The following TMCO4 variants were observed in gnomAD, a reference collection of about 807,000 sequenced individuals.
The protein encoded by TMCO4 is transmembrane and coiled-coil domain-containing protein 4.
TMCO4 carries 58 observed loss-of-function variants against 64.7 expected under a neutral mutation model. The observed-to-expected ratio is 0.90, with a 90% confidence interval of 0.73 to 1.12. The LOEUF (loss-of-function observed/expected upper bound fraction) is 1.12, where lower values mean the gene tolerates loss of function less well. Among genes scored for constraint, TMCO4 ranks in the 50% most tolerant of loss-of-function variants. The probability of loss-of-function intolerance (pLI) is 0.00; values close to 1 mark genes in which losing one functional copy is unlikely to be tolerated. For synonymous variants in TMCO4, 325 were observed against 346.1 expected, an observed-to-expected ratio of 0.94 and a Z score of 0.68; for missense variants, 780 against 825.9, an observed-to-expected ratio of 0.94 and a Z score of 0.68.
In TMCO4 at chr1:19,746,329, GAGAAA is replaced by G. The variant is rs527620234; in HGVS notation, c.757+122_757+126del. 3.4e-4 allele frequency: 480 copies of G among 1,400,422 alleles called. 5 individuals are homozygous for G. The South Asian group carries it at 4.3e-3, about 13-fold the overall frequency. The allele number at this position is 1,400,422 out of a possible 1,614,324, so 86.7% of individuals were successfully genotyped here. A position where few individuals can be genotyped will look rare whatever the true frequency, so the allele number is the denominator to read the frequency against. On this transcript the variant is annotated intron_variant, in intron 9 of 15. Coordinates refer to ENST00000294543, the MANE Select transcript of TMCO4 (RefSeq NM_181719.7). ...CTCTGGGAAGGCTGGGACCCAGAGT[GAGAAA>G]AGCCACGTCTCCTCTGTCTCCCAGG...
In TMCO4 at chr1:19,734,634, C is replaced by T. The variant is rs2095445291; in HGVS notation, c.1264+2738G>A. On this transcript the variant is annotated intron_variant, in intron 13 of 15. Transcript: ENST00000294543. The surrounding 1 kb of genome is among the most constrained non-coding windows in gnomAD (Gnocchi z 4.4). ...GCCTCTTACGTGGGCTGCAGAGACA[C>T]CAGATGCCACCGTTTCTAGACACCC... 6.6e-6 allele frequency among the ~76,000 whole-genome samples: 1 copy of T among 152,086 alleles called. No individual in the cohort carries two copies. Among genetic ancestry groups the T allele is most frequent in the South Asian group, 2.1e-4 (1 of 4,820 alleles).
intron 6 of TMCO4, among the ~76,000 whole-genome samples, chr1:19,756,004 CG>C (rs920633034): frequency 6.6e-6 from 1 of 151,942 alleles, no homozygotes; most frequent in Admixed American, 6.6e-5. Context: ...CCCAGCACTT[CG>C]GGGGGCTGAG....
At chr1:19,706,328 A>G (rs571045306) in intron 13 of TMCO4, among the ~76,000 whole-genome samples, 1 of 152,314 alleles carries the variant, frequency 6.6e-6, no homozygotes, top group South Asian at 2.1e-4. Context: ...CTGAGATTTA[A>G]ACATTTCAAT....
At chr1:19,696,805 G>A (rs796624844) in intron 14 of TMCO4, among the ~76,000 whole-genome samples, 10 of 152,276 alleles carry the variant, frequency 6.6e-5, no homozygotes, top group African/African-American at 2.4e-4. Context: ...TGAATTACAT[G>A]TATTTATACA....
chr1:19,712,944 C>A (rs901382996), intron 13 of TMCO4, among the ~76,000 whole-genome samples: 3 of 152,200 alleles, frequency 2.0e-5, no homozygotes, highest in African/African-American at 7.2e-5. Flanking sequence ...AGCCAGCTGG[C>A]AGCTAGGCTG....
intron 13 of TMCO4, among the ~76,000 whole-genome samples, chr1:19,718,665 A>AAAAAAAAAAAAAAG (rs1450808804): frequency 2.3e-4 from 33 of 146,282 alleles, no homozygotes; most frequent in African/African-American, 7.5e-4. Flanking sequence ...AAAAAAAAAA[A>AAAAAAAAAAAAAAG]AGAGAGAGAG....
chr1:19,712,890 C>G (rs977974470), intron 13 of TMCO4, among the ~76,000 whole-genome samples: 1 of 152,178 alleles, frequency 6.6e-6, no homozygotes, highest in African/African-American at 2.4e-5. Context: ...CTGCTAAAAT[C>G]ATCCAGGCAT....
chr1:19,765,294 C>G (rs2042683451), intron 6 of TMCO4, among the ~76,000 whole-genome samples: 1 of 152,220 alleles, frequency 6.6e-6, no homozygotes, highest in Non-Finnish European at 1.5e-5. Context: ...AGCAGCAGAT[C>G]TGATGATCAT....
At chr1:19,752,867 T>C (rs1191355362) in intron 7 of TMCO4, among the ~76,000 whole-genome samples, 1 of 151,612 alleles carries the variant, frequency 6.6e-6, no homozygotes, top group East Asian at 1.9e-4. Context: ...TGAGATGGCA[T>C]CTTGTGCCTG....
intron 2 of TMCO4, among the ~76,000 whole-genome samples, chr1:19,796,335 G>T (rs1571083329): frequency 6.6e-6 from 1 of 152,128 alleles, no homozygotes; most frequent in African/African-American, 2.4e-5. Flanking sequence ...GATTTGTCCA[G>T]CGAATGTGGG....
At chr1:19,708,304 T>C (rs2095312673) in intron 13 of TMCO4, among the ~76,000 whole-genome samples, 1 of 151,968 alleles carries the variant, frequency 6.6e-6, no homozygotes, top group Non-Finnish European at 1.5e-5. Flanking sequence ...TGTCATGTTT[T>C]CAGCAGCTCA....
At chr1:19,723,737 T>C (rs1366610175) in intron 13 of TMCO4, among the ~76,000 whole-genome samples, 2 of 152,174 alleles carry the variant, frequency 1.3e-5, no homozygotes, top group Non-Finnish European at 2.9e-5. Context: ...TTCTGGAGGC[T>C]CTTCCAGCTC....
chr1:19,749,658 G>A (rs949946126), intron 7 of TMCO4, among the ~76,000 whole-genome samples: 10 of 152,114 alleles, frequency 6.6e-5, no homozygotes, highest in East Asian at 1.9e-4. Context: ...GTGAGCCACC[G>A]TGCCGGGACA....
intron 13 of TMCO4, among the ~76,000 whole-genome samples, chr1:19,722,284 G>T (rs1212100335): frequency 2.0e-5 from 3 of 152,182 alleles, no homozygotes; most frequent in Admixed American, 2.0e-4. Flanking sequence ...TCGATAAGAT[G>T]TTCTAGCAGT....
intron 9 of TMCO4, among the ~76,000 whole-genome samples, 157 bp from the exon 10 acceptor site, chr1:19,745,808 C>G (rs553871957): frequency 6.6e-6 from 1 of 152,158 alleles, no homozygotes; most frequent in Non-Finnish European, 1.5e-5. Context: ...AAGGTAGGTG[C>G]CACTATTGTC....
chr1:19,792,292 C>T (rs1200704245), intron 2 of TMCO4, among the ~76,000 whole-genome samples: 1 of 152,186 alleles, frequency 6.6e-6, no homozygotes, highest in African/African-American at 2.4e-5. Flanking sequence ...CCCATGCCTA[C>T]AGCTCGGCTG....
intron 2 of TMCO4, among the ~76,000 whole-genome samples, chr1:19,795,333 G>T (rs1264858049): frequency 6.6e-6 from 1 of 152,066 alleles, no homozygotes; most frequent in Non-Finnish European, 1.5e-5. Context: ...TTAGCTGGGC[G>T]TGGTGGCGAG....
chr1:19,716,328 G>A (rs547562486), intron 13 of TMCO4, among the ~76,000 whole-genome samples: 110 of 149,894 alleles, frequency 7.3e-4, no homozygotes, highest in Middle Eastern at 7.0e-3. Context: ...GGGATTACAG[G>A]GATTACAGGT....
chr1:19,733,235 C>G (rs772202678), intron 13 of TMCO4, among the ~76,000 whole-genome samples: 1 of 152,050 alleles, frequency 6.6e-6, no homozygotes, highest in Non-Finnish European at 1.5e-5. Flanking sequence ...CCACTGCACT[C>G]CAGTCTGGGT....
Sources: gnomAD v4.1 joint callset for allele counts (sites outside exome capture counted in the v4.1 genomes callset) on GRCh38, gnomAD v4.1.1 for gene constraint, Gnocchi (gnomAD v3.1) non-coding constraint, MANE v1.5 for transcripts, NCBI Gene and HGNC (gene_info 2026-07-23, HGNC 2026-07-21) for gene names.